CALCRL: variants seen among roughly 807,000 people sequenced by gnomAD.
CALCRL encodes the protein calcitonin receptor like receptor, also known as calcitonin gene-related peptide type 1 receptor.
CALCRL carries 27 observed loss-of-function variants against 60.4 expected under a neutral mutation model. The observed-to-expected ratio is 0.45, with a 90% CI of 0.33 to 0.62. CALCRL has a LOEUF of 0.62. Ranked by LOEUF, CALCRL falls within the 20% of genes least tolerant of loss-of-function variation. CALCRL has a pLI of 0.03. For missense variants in CALCRL, 424 were observed against 540.7 expected (o/e 0.78, Z 2.14); for synonymous variants, 190 against 182.6 (o/e 1.04, Z -0.33).
chr2:187,405,693 C>T (rs1404027507), intron 1 of CALCRL, among the ~76,000 whole-genome samples: 2 of 151,964 alleles, frequency 1.3e-5, no homozygotes, highest in South Asian at 2.1e-4. Flanking sequence ...GGATTCATTA[C>T]CTGGAATTAG....
intron 8 of CALCRL, among the ~76,000 whole-genome samples, chr2:187,374,373 C>A (rs1687655706): frequency 6.6e-6 from 1 of 152,034 alleles, no homozygotes; most frequent in African/African-American, 2.4e-5. Context: ...TTTGTAGAGT[C>A]AATTAAAATA....
rs748900537 is a variant in CALCRL at position 187,346,317 on chromosome 2, C to T, written c.1253G>A (p.Ser418Asn). ...GATTGTTGACACTGTGTAAGACGCA[C>T]TACGAAGAGCTTCTGAGTTGGAAAA... ...NSFSNSEALR[S>N]ASYTVSTISD... The change falls in exon 15 of 15, where the codon AGT becomes AAT. Residue 418 changes from serine to asparagine, a missense_variant. Around this residue, in one of 7 missense-constraint regions of CALCRL, gnomAD observed 222 missense variants for 265.6 expected, o/e 0.84. Transcript: ENST00000392370. The T allele has an allele frequency of 1.1e-5, 18 of 1,612,400 alleles. No individual in the cohort carries two copies. The Admixed American group carries it at 1.3e-4, about 12-fold the overall frequency.
intron 1 of CALCRL, among the ~76,000 whole-genome samples, chr2:187,400,294 C>A (rs1260219783): frequency 1.3e-5 from 2 of 151,230 alleles, no homozygotes; most frequent in Admixed American, 1.3e-4. Context: ...GTTCAATATT[C>A]TTAGTCATTA....
At chr2:187,381,186 G>A (rs189445632) in intron 5 of CALCRL, among the ~76,000 whole-genome samples, 1 of 151,670 alleles carries the variant, frequency 6.6e-6, no homozygotes, top group South Asian at 2.1e-4. Flanking sequence ...TTAGGGCAAG[G>A]TGTTAGTATT....
intron 8 of CALCRL, among the ~76,000 whole-genome samples, chr2:187,376,290 C>T (rs1687754354): frequency 6.6e-6 from 1 of 151,330 alleles, no homozygotes; most frequent in African/African-American, 2.4e-5. Context: ...TTTATTATAC[C>T]AACTGTATTC....
Position 187,357,728 on chromosome 2 carries a change from T to C in CALCRL, c.909+1335A>G, listed in dbSNP as rs1019077249. On this transcript the variant is annotated intron_variant, in intron 12 of 14. Transcript: ENST00000392370. ...AGTTAGTGGGTGCAGCGCACCAGCA[T>C]GGCACATGTATACATATGTAACTAA... 1.1e-4 allele frequency among the ~76,000 whole-genome samples: 16 copies of C among 151,258 alleles called. 1 individual carries two copies. The highest frequency in any genetic ancestry group is 3.9e-4 in the African/African-American group (16 of 41,282).
intron 8 of CALCRL, among the ~76,000 whole-genome samples, chr2:187,375,766 A>G (rs1687731759): frequency 1.3e-5 from 2 of 152,314 alleles, no homozygotes; most frequent in Non-Finnish European, 2.9e-5. Flanking sequence ...ATATATACAC[A>G]ATATCATTTT....
rs535347701 is a variant in CALCRL at position 187,419,963 on chromosome 2, C to T, written c.-293+28076G>A. Among the ~76,000 whole-genome samples, 264 of 152,302 alleles carry T rather than the reference C, an allele frequency of 1.7e-3. 2 individuals carry two copies. Among genetic ancestry groups the T allele is most frequent in the Non-Finnish European group, 3.2e-3 (216 of 68,016 alleles). On this transcript the variant is annotated intron_variant, in intron 1 of 14. Coordinates refer to ENST00000392370, the MANE Select transcript of CALCRL (RefSeq NM_005795.6). ...ATCTTTGTGGAAGCAGAAGCTGGCT[C>T]ATATACTGACAACCTCTGTTTGCCC...
intron 1 of CALCRL, among the ~76,000 whole-genome samples, chr2:187,392,017 C>A: frequency 6.6e-6 from 1 of 151,946 alleles, no homozygotes; most frequent in East Asian, 1.9e-4. Context: ...CATTAGAAAC[C>A]AATGTGACTT....
chr2:187,437,325 G>C (rs1350880610), intron 1 of CALCRL, among the ~76,000 whole-genome samples: 4 of 137,964 alleles, frequency 2.9e-5, no homozygotes, highest in African/African-American at 7.9e-5. Flanking sequence ...GGCTGATCAC[G>C]AGATCAGGAA....
intron 1 of CALCRL, among the ~76,000 whole-genome samples, chr2:187,407,078 A>G (rs982676325): frequency 1.3e-5 from 2 of 151,968 alleles, no homozygotes; most frequent in African/African-American, 2.4e-5. Context: ...ACACTATCAC[A>G]CTAGATAAAG....
chr2:187,371,635 C>G (rs901962136), intron 8 of CALCRL, among the ~76,000 whole-genome samples: 4 of 151,834 alleles, frequency 2.6e-5, no homozygotes, highest in Non-Finnish European at 1.5e-5. Context: ...ATGTGGGAGG[C>G]TGAGGCAGGA....
chr2:187,378,471 A>G (rs1280901357), intron 8 of CALCRL, among the ~76,000 whole-genome samples: 1 of 152,204 alleles, frequency 6.6e-6, no homozygotes, highest in Non-Finnish European at 1.5e-5. Flanking sequence ...CTTTTTAATG[A>G]TGACCCGCCA....
chr2:187,353,745 C>T (rs1686642334), intron 12 of CALCRL, among the ~76,000 whole-genome samples: 1 of 151,832 alleles, frequency 6.6e-6, no homozygotes, highest in Non-Finnish European at 1.5e-5. Flanking sequence ...GCATCCATTG[C>T]TCTTTAAAAA....
intron 12 of CALCRL, among the ~76,000 whole-genome samples, chr2:187,357,279 A>T (rs1686836098): frequency 6.6e-6 from 1 of 152,100 alleles, no homozygotes; most frequent in South Asian, 2.1e-4. Flanking sequence ...GATAGACTGG[A>T]TAAAGAAAAT....
chr2:187,389,181 G>T (rs1244456271), intron 1 of CALCRL, among the ~76,000 whole-genome samples: 1 of 149,350 alleles, frequency 6.7e-6, no homozygotes, highest in Non-Finnish European at 1.5e-5. Context: ...CAAGAGATTT[G>T]CCTGCCTCAG....
At chr2:187,353,760 T>A (rs1686643573) in intron 12 of CALCRL, among the ~76,000 whole-genome samples, 1 of 152,000 alleles carries the variant, frequency 6.6e-6, no homozygotes, top group South Asian at 2.1e-4. Flanking sequence ...TAAAAAAAGA[T>A]AATAATGCTC....
At chr2:187,358,994 T>C in intron 12 of CALCRL, 69 bp downstream of exon 12, 1 of 1,256,620 alleles carries the variant, frequency 8.0e-7, no homozygotes, top group African/African-American at 1.5e-5. Context: ...AAGGATACCA[T>C]AGGCCAGATG....
At chr2:187,373,881 CT>C (rs1378023638) in intron 8 of CALCRL, among the ~76,000 whole-genome samples, 1 of 152,210 alleles carries the variant, frequency 6.6e-6, no homozygotes, top group Admixed American at 6.5e-5. Flanking sequence ...CACTCTCAGG[CT>C]GGGCACAGTG....
Sources: allele counts gnomAD v4.1 joint callset (sites outside exome capture counted in the v4.1 genomes callset), GRCh38; gene constraint gnomAD v4.1.1; regional missense constraint gnomAD v4.1.1; transcripts MANE v1.5; gene names NCBI Gene and HGNC (gene_info 2026-07-23, HGNC 2026-07-21).